CCDC122: variants seen among roughly 807,000 people sequenced by gnomAD.
CCDC122 encodes coiled-coil domain containing 122, also known as coiled-coil domain-containing protein 122.
A neutral mutation model predicts 37.0 loss-of-function variants in CCDC122; 38 were observed. The observed-to-expected ratio is 1.03, with a 90% confidence interval of 0.79 to 1.35. The LOEUF (loss-of-function observed/expected upper bound fraction) is 1.35. Ranked by LOEUF, CCDC122 falls within the 40% of genes most tolerant of loss-of-function variation. The probability of loss-of-function intolerance (pLI) is 0.00; values close to 1 mark genes in which losing one functional copy is unlikely to be tolerated. For synonymous variants in CCDC122, 83 were observed against 95.6 expected (o/e 0.87, Z 0.77); for missense variants, 305 against 310.0 (o/e 0.98, Z 0.12).
At chr13:43,822,691 G>T (rs1252326165), downstream of CCDC122, among the ~76,000 whole-genome samples, 1 of 152,172 alleles carries the variant, frequency 6.6e-6, no homozygotes, top group African/African-American at 2.4e-5. Flanking sequence ...CCTTTTCACA[G>T]AGAGAGGAGC....
At chr13:43,878,703 G>A (rs1203483454) in intron 1 of CCDC122, among the ~76,000 whole-genome samples, 1 of 152,020 alleles carries the variant, frequency 6.6e-6, no homozygotes, top group Non-Finnish European at 1.5e-5. Flanking sequence ...ATAAATGAAC[G>A]TTATATTCTT....
At chr13:43,869,264 C>A (rs957684829) in intron 3 of CCDC122, 67 bp downstream of exon 3, 3 of 1,161,142 alleles carry the variant, frequency 2.6e-6, no homozygotes, top group Non-Finnish European at 3.9e-6. Flanking sequence ...ACACAATTAT[C>A]CTGCCAGACT....
At chr13:43,857,713 G>A (rs1953966474) in intron 6 of CCDC122, among the ~76,000 whole-genome samples, 1 of 151,994 alleles carries the variant, frequency 6.6e-6, no homozygotes, top group South Asian at 2.1e-4. Context: ...GACCAGCCTG[G>A]CCAACATGGT....
At chr13:43,830,645 C>T (rs1352262541) in intron 3 of CCDC122, among the ~76,000 whole-genome samples, 1 of 152,210 alleles carries the variant, frequency 6.6e-6, no homozygotes, top group Non-Finnish European at 1.5e-5. Flanking sequence ...TTAGGCAAAG[C>T]AGTGACTGTG....
intron 6 of CCDC122, among the ~76,000 whole-genome samples, chr13:43,840,439 T>C (rs1232294819): frequency 6.6e-6 from 1 of 152,162 alleles, no homozygotes; most frequent in Admixed American, 6.5e-5. Flanking sequence ...GCAGGTTTGT[T>C]ACATATGTAT....
chr13:43,864,049 A>AT (rs200717957), intron 4 of CCDC122, among the ~76,000 whole-genome samples: 9 of 151,906 alleles, frequency 5.9e-5, no homozygotes, highest in Non-Finnish European at 1.3e-4. Flanking sequence ...GAGGTTCAGA[A>AT]TTTTTTTTGC....
chr13:43,819,794 T>C (rs1489316286), downstream of CCDC122, among the ~76,000 whole-genome samples: 1 of 152,090 alleles, frequency 6.6e-6, no homozygotes, highest in Non-Finnish European at 1.5e-5. Context: ...TGTAAACATG[T>C]AAATATCTCA....
At chr13:43,838,639 C>A (rs1440227105) in intron 6 of CCDC122, among the ~76,000 whole-genome samples, 1 of 152,164 alleles carries the variant, frequency 6.6e-6, no homozygotes, top group South Asian at 2.1e-4. Flanking sequence ...GAAATTGACA[C>A]AAGGCTGAGC....
At chr13:43,859,469 C>T (rs1761368918) in intron 5 of CCDC122, among the ~76,000 whole-genome samples, 1 of 151,888 alleles carries the variant, frequency 6.6e-6, no homozygotes, top group African/African-American at 2.4e-5. Flanking sequence ...TGGATGTTTC[C>T]TTTATGCATT....
chr13:43,836,594 TA>T lies in CCDC122; in HGVS notation c.*685del, dbSNP rs1362198241. 1.3e-5 allele frequency: 2 copies of T among 152,014 alleles called. No homozygotes were observed. Among genetic ancestry groups the T allele is most frequent in the Non-Finnish European group, 2.9e-5 (2 of 68,014 alleles). 9.4% of individuals were successfully genotyped at this position (152,014 alleles called of 1,614,324 possible). On this transcript the variant is annotated 3_prime_UTR_variant, in exon 7 of 7. Transcript: ENST00000444614. ...GGCCGGGCGCGGTGGCTCACGCCTGTAATCCCAGCACTTTGGGAGGCCGAGG... is the reference window on the plus strand; with the variant it reads ...GGCCGGGCGCGGTGGCTCACGCCTGTATCCCAGCACTTTGGGAGGCCGAGG...
chr13:43,878,704 T>C (rs1040484876), intron 1 of CCDC122, among the ~76,000 whole-genome samples: 2 of 152,296 alleles, frequency 1.3e-5, no homozygotes, highest in South Asian at 4.2e-4. Flanking sequence ...TAAATGAACG[T>C]TATATTCTTG....
chr13:43,833,310 G>C (rs898114739), downstream of CCDC122, among the ~76,000 whole-genome samples: 3 of 152,176 alleles, frequency 2.0e-5, no homozygotes, highest in Admixed American at 2.0e-4. Context: ...AGCAGGCCCG[G>C]ATCAGGACAG....
At chr13:43,851,944 G>C (rs1235554913) in intron 6 of CCDC122, among the ~76,000 whole-genome samples, 1 of 143,204 alleles carries the variant, frequency 7.0e-6, no homozygotes, top group Non-Finnish European at 1.5e-5. Flanking sequence ...TCATCAAATA[G>C]GATAAAAGAA....
chr13:43,836,878 G>C lies in CCDC122; in HGVS notation c.*402C>G, dbSNP rs796606524. 1 of 116,932 alleles carries C rather than the reference G, an allele frequency of 8.6e-6. No individual in the cohort carries two copies. The highest frequency in any genetic ancestry group is 1.9e-5 in the Non-Finnish European group (1 of 53,950). 7.2% of individuals were successfully genotyped at this position (116,932 alleles called of 1,614,324 possible). On this transcript the variant is annotated 3_prime_UTR_variant, in exon 7 of 7. Coordinates refer to ENST00000444614, the MANE Select transcript of CCDC122 (RefSeq NM_144974.5). ...TCTCAAAAAAAAAAAAAAAAAAAAA[G>C]TTCGAAACAGACAAACATTTTAAAA...
At chr13:43,873,573 G>T (rs1954513980) in intron 2 of CCDC122, among the ~76,000 whole-genome samples, 2 of 152,090 alleles carry the variant, frequency 1.3e-5, no homozygotes, top group African/African-American at 4.8e-5. Flanking sequence ...ATGTTTCATA[G>T]GCCCTTTGAG....
chr13:43,819,148 C>A (rs1952978272), downstream of CCDC122, among the ~76,000 whole-genome samples: 1 of 151,984 alleles, frequency 6.6e-6, no homozygotes, highest in Non-Finnish European at 1.5e-5. Context: ...GTTCTCTGAC[C>A]TGTTATGTAG....
downstream of CCDC122, among the ~76,000 whole-genome samples, chr13:43,822,765 T>A (rs1017662510): frequency 1.3e-5 from 2 of 152,142 alleles, no homozygotes; most frequent in Non-Finnish European, 2.9e-5. Context: ...CTGCTGATGT[T>A]CACTTAGAGC....
intron 6 of CCDC122, among the ~76,000 whole-genome samples, chr13:43,846,085 T>C (rs1444736155): frequency 6.6e-6 from 1 of 152,092 alleles, no homozygotes; most frequent in East Asian, 1.9e-4. Flanking sequence ...TTTTTTCTTT[T>C]TTTTTTGAGA....
chr13:43,842,480 T>C (rs1486486644), intron 6 of CCDC122, among the ~76,000 whole-genome samples: 1 of 151,700 alleles, frequency 6.6e-6, no homozygotes, highest in East Asian at 1.9e-4. Flanking sequence ...TACAAATTTA[T>C]TCTTCTTTTA....
Sources: gnomAD v4.1 joint callset for allele counts (sites outside exome capture counted in the v4.1 genomes callset) on GRCh38, gnomAD v4.1.1 for gene constraint, MANE v1.5 for transcripts, NCBI Gene and HGNC (gene_info 2026-07-23, HGNC 2026-07-21) for gene names.